The following GPC6 variants were observed in gnomAD, a reference collection of about 807,000 sequenced individuals.
The protein encoded by GPC6 is glypican-6.
GPC6 carries 14 observed loss-of-function variants against 55.2 expected under a neutral mutation model. That is an observed-to-expected ratio of 0.25 (90% confidence interval 0.17 to 0.40). The LOEUF (loss-of-function observed/expected upper bound fraction) is 0.40, where lower values mean the gene tolerates loss of function less well. Ranked by LOEUF, GPC6 falls within the 10% of genes least tolerant of loss-of-function variation. GPC6 has a pLI of 1.00. For missense variants in GPC6, 641 were observed against 708.5 expected (o/e 0.90, Z 1.08); for synonymous variants, 278 against 259.6 (o/e 1.07, Z -0.68).
intron 1 of GPC6, among the ~76,000 whole-genome samples, chr13:93,460,843 A>G (rs1349549936): frequency 1.3e-5 from 2 of 152,182 alleles, no homozygotes; most frequent in African/African-American, 2.4e-5. Flanking sequence ...TTACATAGGC[A>G]GTTTTGAGTA....
intron 1 of GPC6, among the ~76,000 whole-genome samples, chr13:93,401,903 T>C (rs560766754): frequency 9.2e-5 from 14 of 152,068 alleles, no homozygotes; most frequent in African/African-American, 1.7e-4. Context: ...AGAATAAGGT[T>C]GGGGGAAGGA....
At chr13:94,039,184 A>G (rs1883443774) in intron 4 of GPC6, among the ~76,000 whole-genome samples, 3 of 152,002 alleles carry the variant, frequency 2.0e-5, no homozygotes, top group South Asian at 4.1e-4. Flanking sequence ...GTTGGGCAGA[A>G]TTGGACAGTG....
chr13:94,290,530 T>C (rs1358334921), intron 5 of GPC6, among the ~76,000 whole-genome samples: 1 of 152,140 alleles, frequency 6.6e-6, no homozygotes, highest in Non-Finnish European at 1.5e-5. Context: ...TTTTTAATTG[T>C]CAAATAAAAT....
chr13:93,641,177 A>C (rs1054463736), intron 2 of GPC6, among the ~76,000 whole-genome samples: 2 of 151,782 alleles, frequency 1.3e-5, no homozygotes, highest in Non-Finnish European at 2.9e-5. Context: ...TTTTTTCAGA[A>C]AAAAAAATAG....
chr13:93,674,755 C>T (rs1281880547), intron 2 of GPC6, among the ~76,000 whole-genome samples: 1 of 152,104 alleles, frequency 6.6e-6, no homozygotes, highest in Non-Finnish European at 1.5e-5. Context: ...TCACTGCTGC[C>T]TTATCAAGGT....
rs148256661 is a variant in GPC6 at position 94,151,398 on chromosome 13, A to G, written c.877+123504A>G. Reference sequence around the variant, plus strand: ...AGACCTTTTATATCTGTCCCCCTTGACACTACACTGAGAGCTATGCTGTTG... The same window carrying G: ...AGACCTTTTATATCTGTCCCCCTTGGCACTACACTGAGAGCTATGCTGTTG... On this transcript the variant is annotated intron_variant, in intron 4 of 8. Coordinates refer to ENST00000377047, the MANE Select transcript of GPC6 (RefSeq NM_005708.5). 3.5e-3 allele frequency among the ~76,000 whole-genome samples: 535 copies of G among 152,226 alleles called. 1 individual carries two copies. Among genetic ancestry groups the G allele is most frequent in the African/African-American group, 0.012 (503 of 41,556 alleles).
At chr13:94,330,412 C>T (rs577608793) in intron 6 of GPC6, among the ~76,000 whole-genome samples, 13 of 152,224 alleles carry the variant, frequency 8.5e-5, no homozygotes, top group Non-Finnish European at 1.8e-4. Flanking sequence ...GCCTGGGCCT[C>T]GTATTTAGAG....
At position 93,842,486 on chromosome 13, in the gene GPC6, T is replaced by G. The variant is rs115964228; in HGVS notation, c.711+11941T>G. ...GTCTTTTTTATTTGTGCAGATTTTT[T>G]TTCAGTGTTAGTGTGATAGTACTTT... On this transcript the variant is annotated intron_variant, in intron 3 of 8. Coordinates refer to ENST00000377047, the MANE Select transcript of GPC6 (RefSeq NM_005708.5). Among the ~76,000 whole-genome samples, 1,356 of 152,250 alleles carry G rather than the reference T, an allele frequency of 8.9e-3. 28 individuals carry two copies. Among genetic ancestry groups the G allele is most frequent in the African/African-American group, 0.031 (1,292 of 41,554 alleles).
intron 3 of GPC6, among the ~76,000 whole-genome samples, chr13:93,888,173 T>A (rs1875457279): frequency 6.6e-6 from 1 of 152,202 alleles, no homozygotes; most frequent in Admixed American, 6.5e-5. Flanking sequence ...ATATAGCTTG[T>A]GATTTTGGAC....
intron 2 of GPC6, among the ~76,000 whole-genome samples, chr13:93,695,498 T>G (rs532391948): frequency 2.4e-4 from 36 of 152,054 alleles, no homozygotes; most frequent in Non-Finnish European, 2.9e-4. Context: ...CATCATATAA[T>G]CCTTTGATGT....
At position 94,235,570 on chromosome 13, in the gene GPC6, G is replaced by A. The variant is rs78329719; in HGVS notation, c.878-50779G>A. 4.3e-4 allele frequency among the ~76,000 whole-genome samples: 66 copies of A among 152,208 alleles called. No homozygotes were observed. The East Asian group carries it at 6.4e-3, about 15-fold the overall frequency. On this transcript the variant is annotated intron_variant, in intron 4 of 8. Coordinates refer to ENST00000377047, the MANE Select transcript of GPC6 (RefSeq NM_005708.5). ...TTGCAAGAAACTCTGATTAGCAAAT[G>A]AGGTAGTAGAGTACACATGGATATT...
intron 1 of GPC6, among the ~76,000 whole-genome samples, chr13:93,375,797 T>C (rs1184946556): frequency 2.6e-5 from 4 of 152,166 alleles, no homozygotes; most frequent in Non-Finnish European, 5.9e-5. Context: ...TTCCCTGCAA[T>C]GGATTGCAGA....
chr13:94,221,343 G>A (rs1295638695), intron 4 of GPC6, among the ~76,000 whole-genome samples: 3 of 152,020 alleles, frequency 2.0e-5, no homozygotes, highest in African/African-American at 7.2e-5. Flanking sequence ...TTCTAATGGA[G>A]CTAATAAGCA....
chr13:93,293,064 C>T (rs1453712636), intron 1 of GPC6, among the ~76,000 whole-genome samples: 2 of 152,028 alleles, frequency 1.3e-5, no homozygotes, highest in African/African-American at 2.4e-5. Flanking sequence ...CATGGCTCAG[C>T]CTTGACCTCC....
At chr13:93,959,229 C>T (rs1322775022) in intron 3 of GPC6, among the ~76,000 whole-genome samples, 2 of 147,404 alleles carry the variant, frequency 1.4e-5, no homozygotes, top group African/African-American at 5.1e-5. Context: ...GTGGTGTGAT[C>T]TCGGCTCACT....
chr13:94,149,585 G>T (rs1351045798), intron 4 of GPC6, among the ~76,000 whole-genome samples: 1 of 152,158 alleles, frequency 6.6e-6, no homozygotes, highest in Non-Finnish European at 1.5e-5. Flanking sequence ...ATGAGGGTCA[G>T]AATGTCATGA....
chr13:93,643,441 A>G (rs765747654), intron 2 of GPC6, among the ~76,000 whole-genome samples: 5 of 152,136 alleles, frequency 3.3e-5, no homozygotes, highest in Non-Finnish European at 7.4e-5. Flanking sequence ...CCCCCACAGG[A>G]AATGACCCAA....
intron 2 of GPC6, among the ~76,000 whole-genome samples, chr13:93,654,768 C>T (rs1880579202): frequency 6.6e-6 from 1 of 151,878 alleles, no homozygotes; most frequent in African/African-American, 2.4e-5. Context: ...TTTTATTTTC[C>T]AGTGGAGCCT....
intron 7 of GPC6, among the ~76,000 whole-genome samples, chr13:94,385,502 C>T (rs1041188801): frequency 6.6e-6 from 1 of 152,082 alleles, no homozygotes; most frequent in African/African-American, 2.4e-5. Flanking sequence ...AGGAATAGTC[C>T]AGAATTTGGT....
Sources: gnomAD v4.1 joint callset for allele counts (sites outside exome capture counted in the v4.1 genomes callset) on GRCh38, gnomAD v4.1.1 for gene constraint, MANE v1.5 for transcripts, NCBI Gene and HGNC (gene_info 2026-07-23, HGNC 2026-07-21) for gene names.